The following GTF2A1L variants were observed in gnomAD, a reference collection of about 807,000 sequenced individuals.
The protein encoded by GTF2A1L is TFIIA-alpha and beta-like factor.
A neutral mutation model predicts 49.7 loss-of-function variants in GTF2A1L; 48 were observed. The observed-to-expected ratio is 0.97, with a 90% CI of 0.77 to 1.23. GTF2A1L has a LOEUF of 1.23. Ranked by LOEUF, GTF2A1L falls within the 50% of genes most tolerant of loss-of-function variation. GTF2A1L has a pLI of 0.00. For synonymous variants in GTF2A1L, 246 were observed against 193.5 expected, an observed-to-expected ratio of 1.27 and a Z score of -2.25; for missense variants, 736 against 564.8, an observed-to-expected ratio of 1.30 and a Z score of -3.07.
chr2:48,675,748 T>G (rs1280378646), intron 8 of GTF2A1L, among the ~76,000 whole-genome samples: 4 of 152,000 alleles, frequency 2.6e-5, no homozygotes, highest in Admixed American at 6.6e-5. Context: ...TTAGCAGACT[T>G]GCTTATAGCT....
At position 48,643,031 on chromosome 2, in the gene GTF2A1L, G is replaced by C. The variant is rs571377179; in HGVS notation, c.303+574G>C. Among the ~76,000 whole-genome samples, 3 of 152,290 alleles carry C rather than the reference G, an allele frequency of 2.0e-5. No homozygotes were observed. In the South Asian group the frequency reaches 6.2e-4, roughly 32 times the overall value. ...GTACCTACAAGGTTAGGAAATGTCT[G>C]AAGTTATGTTGTATGGGGTTTTAAT... On this transcript the variant is annotated intron_variant, in intron 4 of 8. Transcript: ENST00000403751.
chr2:48,664,077 T>A (rs1572763381), intron 6 of GTF2A1L, among the ~76,000 whole-genome samples: 2 of 152,158 alleles, frequency 1.3e-5, no homozygotes, highest in East Asian at 3.8e-4. Flanking sequence ...ATGTAGACTA[T>A]AATCTATTTT....
chr2:48,639,689 A>C (rs952285931), intron 3 of GTF2A1L, among the ~76,000 whole-genome samples: 1 of 152,182 alleles, frequency 6.6e-6, no homozygotes, highest in Non-Finnish European at 1.5e-5. Flanking sequence ...GAAAAGCAAA[A>C]ATTTACAAGT....
chr2:48,624,441 T>A (rs1010528919), intron 3 of GTF2A1L, among the ~76,000 whole-genome samples: 4 of 121,436 alleles, frequency 3.3e-5, no homozygotes, highest in Admixed American at 1.8e-4. Context: ...ATGTAAGGTG[T>A]TCACCATAGT....
At position 48,656,780 on chromosome 2, in the gene GTF2A1L, T is replaced by C. The variant is rs368280960; in HGVS notation, c.978+9738T>C. ...CAATAAATTATTTTCAAATCCAATG[T>C]CATGAAATTTTCACCACCTGTTTTC... On this transcript the variant is annotated intron_variant, in intron 6 of 8. Coordinates refer to ENST00000403751, the MANE Select transcript of GTF2A1L (RefSeq NM_006872.5). 5.5e-4 allele frequency among the ~76,000 whole-genome samples: 84 copies of C among 152,318 alleles called. 1 individual carries two copies. Among genetic ancestry groups the C allele is most frequent in the African/African-American group, 1.9e-3 (80 of 41,572 alleles).
chr2:48,623,480 T>C (rs1207783552), intron 3 of GTF2A1L, among the ~76,000 whole-genome samples: 1 of 152,204 alleles, frequency 6.6e-6, no homozygotes, highest in Non-Finnish European at 1.5e-5. Context: ...TTGGTGGGAA[T>C]GTAAATTTGT....
chr2:48,621,414 C>A, intron 3 of GTF2A1L, 124 bp downstream of exon 3: 2 of 1,314,870 alleles, frequency 1.5e-6, no homozygotes, highest in East Asian at 2.5e-5. Flanking sequence ...TAAATCATTT[C>A]TATTAAATGA....
intron 6 of GTF2A1L, among the ~76,000 whole-genome samples, chr2:48,651,648 C>A (rs2104225271): frequency 6.6e-6 from 1 of 152,238 alleles, no homozygotes; most frequent in African/African-American, 2.4e-5. Flanking sequence ...GAAGTCTCAT[C>A]TGCTGACATA....
At chr2:48,658,594 T>C (rs1678309718) in intron 6 of GTF2A1L, among the ~76,000 whole-genome samples, 1 of 152,164 alleles carries the variant, frequency 6.6e-6, no homozygotes, top group South Asian at 2.1e-4. Context: ...GGCTCCTTGT[T>C]GGTTCCACAT....
intron 6 of GTF2A1L, among the ~76,000 whole-genome samples, chr2:48,654,111 G>A (rs1167036695): frequency 6.6e-6 from 1 of 152,086 alleles, no homozygotes; most frequent in African/African-American, 2.4e-5. Context: ...ATTTCTACCA[G>A]CAATGTATAA....
intron 8 of GTF2A1L, among the ~76,000 whole-genome samples, chr2:48,673,120 A>C (rs758337246): frequency 3.9e-5 from 6 of 152,116 alleles, no homozygotes; most frequent in African/African-American, 1.4e-4. Flanking sequence ...AACATATATC[A>C]CGTCTTCGTT....
At chr2:48,648,254 CACTT>C (rs1240660268) in intron 6 of GTF2A1L, among the ~76,000 whole-genome samples, 1 of 151,926 alleles carries the variant, frequency 6.6e-6, no homozygotes, top group Non-Finnish European at 1.5e-5. Context: ...TAACATATAA[CACTT>C]AGTAAATAAA....
intron 8 of GTF2A1L, among the ~76,000 whole-genome samples, chr2:48,677,576 G>T (rs1394507751): frequency 6.6e-6 from 1 of 151,968 alleles, no homozygotes; most frequent in Non-Finnish European, 1.5e-5. Flanking sequence ...AGTCATTGGA[G>T]AGTTTCGACA....
chr2:48,643,755 G>A (rs1280798305), intron 4 of GTF2A1L, among the ~76,000 whole-genome samples: 4 of 146,586 alleles, frequency 2.7e-5, no homozygotes, highest in East Asian at 2.0e-4. Context: ...TCTGGAGTGC[G>A]GTGGCATGAT....
intron 1 of GTF2A1L, among the ~76,000 whole-genome samples, chr2:48,618,348 C>G (rs1475411205): frequency 6.6e-6 from 1 of 152,178 alleles, no homozygotes; most frequent in Non-Finnish European, 1.5e-5. Context: ...ACTACCCGCC[C>G]ATTTCGTTGT....
chr2:48,643,536 T>C (rs1358871309), intron 4 of GTF2A1L, among the ~76,000 whole-genome samples: 1 of 152,124 alleles, frequency 6.6e-6, no homozygotes, highest in Non-Finnish European at 1.5e-5. Context: ...ACCTCTGCCT[T>C]TGGAATTCAA....
chr2:48,662,200 C>T (rs1159176904), intron 6 of GTF2A1L, among the ~76,000 whole-genome samples: 1 of 152,170 alleles, frequency 6.6e-6, no homozygotes, highest in East Asian at 1.9e-4. Flanking sequence ...ATTGTTGTTA[C>T]AGATTACTTC....
At position 48,642,464 on chromosome 2, in the gene GTF2A1L, A is replaced by G; in HGVS notation, c.303+7A>G. The G allele has an allele frequency of 6.4e-7, 1 of 1,574,212 alleles. No individual in the cohort carries two copies. The highest frequency in any genetic ancestry group is 8.7e-7 in the Non-Finnish European group (1 of 1,153,046). ...TTTTACCACAGCAGAACTGGTATGT[A>G]GCTTACTTAAAATATATTTTAAAAG... On this transcript the variant is annotated splice_region_variant and intron_variant, in intron 4 of 8. Transcript: ENST00000403751.
At chr2:48,666,924 T>G (rs1003296257) in intron 6 of GTF2A1L, among the ~76,000 whole-genome samples, 1 of 152,056 alleles carries the variant, frequency 6.6e-6, no homozygotes, top group Non-Finnish European at 1.5e-5. Flanking sequence ...CTGGTTCTCT[T>G]GATTGCTTTG....
Sources: allele counts gnomAD v4.1 joint callset (sites outside exome capture counted in the v4.1 genomes callset), GRCh38; gene constraint gnomAD v4.1.1; transcripts MANE v1.5; gene names NCBI Gene and HGNC (gene_info 2026-07-23, HGNC 2026-07-21).